The following ASIC2 variants were observed in gnomAD, a reference collection of about 807,000 sequenced individuals.
The protein encoded by ASIC2 is acid-sensing ion channel 2.
ASIC2 carries 25 observed loss-of-function variants against 57.3 expected under a neutral mutation model. The observed-to-expected ratio is 0.44, with a 90% CI of 0.32 to 0.61. The LOEUF is 0.61. ASIC2 is among the 20% of genes least tolerant of loss of function. The pLI is 0.06. For missense variants in ASIC2, 641 were observed against 738.1 expected (o/e 0.87, Z 1.52); for synonymous variants, 319 against 307.5 (o/e 1.04, Z -0.39).
chr17:33,729,790 AATG>A (rs1210722502), intron 1 of ASIC2, among the ~76,000 whole-genome samples: 2 of 152,302 alleles, frequency 1.3e-5, no homozygotes, highest in East Asian at 3.9e-4. Flanking sequence ...TTGACATATT[AATG>A]ATCCTTAACA....
At chr17:34,038,744 A>C in intron 1 of ASIC2, 1 of 1,609,138 alleles carries the variant, frequency 6.2e-7, no homozygotes, top group African/African-American at 1.3e-5. Context: ...GTATTCTTTT[A>C]ACGTTAACGT....
chr17:33,611,916 C>T (rs1188816174), intron 1 of ASIC2, among the ~76,000 whole-genome samples: 1 of 152,124 alleles, frequency 6.6e-6, no homozygotes, highest in African/African-American at 2.4e-5. Context: ...CTCAGAAGTC[C>T]AAGATCTGCA....
intron 1 of ASIC2, among the ~76,000 whole-genome samples, chr17:33,991,855 T>C (rs1003962607): frequency 2.0e-5 from 3 of 152,200 alleles, no homozygotes; most frequent in Admixed American, 2.0e-4. Context: ...GTGGGCTTAT[T>C]AGGAGCAATT....
chr17:33,724,243 C>A (rs1325255859), intron 1 of ASIC2, among the ~76,000 whole-genome samples: 1 of 152,268 alleles, frequency 6.6e-6, no homozygotes, highest in East Asian at 1.9e-4. Context: ...AACTGTGAAT[C>A]CATTAAACCT....
chr17:33,513,928 G>A (rs772709999), intron 1 of ASIC2, among the ~76,000 whole-genome samples: 16 of 152,204 alleles, frequency 1.1e-4, no homozygotes, highest in Non-Finnish European at 1.5e-4. Context: ...GACCTTAGAC[G>A]CCATCATAGG....
At chr17:33,499,890 G>A (rs1914049891) in intron 1 of ASIC2, among the ~76,000 whole-genome samples, 1 of 152,300 alleles carries the variant, frequency 6.6e-6, no homozygotes, top group South Asian at 2.1e-4. Context: ...CCTAATGATG[G>A]TGTTGGCATA....
chr17:33,687,940 G>C (rs1908245971), intron 1 of ASIC2, among the ~76,000 whole-genome samples: 1 of 152,092 alleles, frequency 6.6e-6, no homozygotes, highest in Non-Finnish European at 1.5e-5. Context: ...AGTATTTGTG[G>C]GACCGAAACC....
chr17:33,396,063 A>G (rs963167302), intron 1 of ASIC2, among the ~76,000 whole-genome samples: 1 of 152,222 alleles, frequency 6.6e-6, no homozygotes, highest in African/African-American at 2.4e-5. Context: ...GGAGAATATC[A>G]GATTTTCCCT....
At chr17:33,610,887 C>A (rs1905385804) in intron 1 of ASIC2, among the ~76,000 whole-genome samples, 1 of 152,002 alleles carries the variant, frequency 6.6e-6, no homozygotes, top group Admixed American at 6.5e-5. Context: ...AGAGCAAGAC[C>A]CTGTCTCACA....
At chr17:33,455,274 T>C (rs1912408400) in intron 1 of ASIC2, among the ~76,000 whole-genome samples, 1 of 152,178 alleles carries the variant, frequency 6.6e-6, no homozygotes, top group South Asian at 2.1e-4. Context: ...AAATTTGGGG[T>C]GTGAATGATC....
intron 1 of ASIC2, chr17:34,039,897 C>G: frequency 1.3e-6 from 2 of 1,568,348 alleles, no homozygotes; most frequent in Non-Finnish European, 1.8e-6. Flanking sequence ...CCGCCGCTGC[C>G]GCTCCACGCT....
intron 1 of ASIC2, among the ~76,000 whole-genome samples, chr17:33,768,946 C>G (rs920770370): frequency 6.6e-6 from 1 of 152,164 alleles, no homozygotes; most frequent in African/African-American, 2.4e-5. Flanking sequence ...CTGTTTTCAT[C>G]ACTCAATGAA....
chr17:33,674,942 T>C (rs1042099717), intron 1 of ASIC2, among the ~76,000 whole-genome samples: 19 of 152,160 alleles, frequency 1.2e-4, no homozygotes, highest in Non-Finnish European at 2.4e-4. Context: ...GTCTTAAAAA[T>C]GAGAATGACA....
intron 2 of ASIC2, among the ~76,000 whole-genome samples, chr17:33,102,001 C>T (rs1375063592): frequency 1.3e-5 from 2 of 152,118 alleles, no homozygotes; most frequent in African/African-American, 4.8e-5. Context: ...AGGGCCATCC[C>T]TTGTGGATCC....
In ASIC2 at chr17:33,013,814, C is replaced by G. The variant is rs183775673; in HGVS notation, c.*151G>C. On this transcript the variant is annotated 3_prime_UTR_variant, in exon 10 of 10. Transcript: ENST00000225823. ...TGCGTCGTGTTGGACGTGGCCGGAG[C>G]GAGGTCTAGGCAGCTAGTCTGCAAT... 2 of 688,354 alleles carry G rather than the reference C, an allele frequency of 2.9e-6. No individual in the cohort carries two copies. Among genetic ancestry groups the G allele is most frequent in the Non-Finnish European group, 5.1e-6 (2 of 393,646 alleles). The allele number at this position is 688,354 out of a possible 1,614,324, so 42.6% of individuals were successfully genotyped here.
chr17:33,911,669 T>C (rs1466221825), intron 1 of ASIC2, among the ~76,000 whole-genome samples: 1 of 152,194 alleles, frequency 6.6e-6, no homozygotes, highest in Admixed American at 6.5e-5. Flanking sequence ...TATATTGGGA[T>C]AGACCACAGC....
At chr17:33,444,449 C>A (rs183280862) in intron 1 of ASIC2, among the ~76,000 whole-genome samples, 320 of 152,304 alleles carry the variant, frequency 2.1e-3, no homozygotes, top group Non-Finnish European at 3.4e-3. Flanking sequence ...GGGTGCAGAG[C>A]AGTGGAGGCA....
intron 1 of ASIC2, among the ~76,000 whole-genome samples, chr17:33,284,693 G>C (rs189671203): frequency 6.6e-6 from 1 of 152,134 alleles, no homozygotes; most frequent in Non-Finnish European, 1.5e-5. Context: ...CTGATCTTTC[G>C]TTGAATCGTG....
intron 1 of ASIC2, among the ~76,000 whole-genome samples, chr17:34,115,800 T>C (rs1209148460): frequency 1.3e-5 from 2 of 152,188 alleles, no homozygotes; most frequent in African/African-American, 4.8e-5. Context: ...AGCTGTAACT[T>C]GACCAACACT....
Sources: gnomAD v4.1 joint callset for allele counts (sites outside exome capture counted in the v4.1 genomes callset) on GRCh38, gnomAD v4.1.1 for gene constraint, MANE v1.5 for transcripts, NCBI Gene and HGNC (gene_info 2026-07-23, HGNC 2026-07-21) for gene names.